Variants in PCDH15 observed in about 807,000 individuals in gnomAD.
PCDH15 encodes protocadherin related 15, also known as protocadherin-15.
A neutral mutation model predicts 178.5 loss-of-function variants in PCDH15; 129 were observed. The observed-to-expected ratio is 0.72, with a 90% CI of 0.63 to 0.84. PCDH15 has a LOEUF of 0.84. PCDH15 is among the 40% of genes least tolerant of loss of function. The pLI is 0.00. For synonymous variants in PCDH15, 800 were observed against 732.0 expected, an observed-to-expected ratio of 1.09 and a Z score of -1.50; for missense variants, 2,230 against 2,099.9, an observed-to-expected ratio of 1.06 and a Z score of -1.21.
intron 1 of PCDH15, among the ~76,000 whole-genome samples, chr10:55,252,959 A>T (rs1301116879): frequency 6.6e-6 from 1 of 152,176 alleles, no homozygotes; most frequent in African/African-American, 2.4e-5. Context: ...TTTCTAAAAC[A>T]AAATAAATTT....
intron 18 of PCDH15, among the ~76,000 whole-genome samples, chr10:54,053,308 C>A (rs940230914): frequency 7.9e-5 from 12 of 152,150 alleles, no homozygotes; most frequent in Non-Finnish European, 1.6e-4. Context: ...CATTACAAAA[C>A]TTTACTTTTA....
intron 2 of PCDH15, among the ~76,000 whole-genome samples, chr10:55,483,281 C>CAA (rs35371247): frequency 6.7e-6 from 1 of 150,328 alleles, no homozygotes; most frequent in Non-Finnish European, 1.5e-5. Context: ...TAAATTTTTA[C>CAA]AAAAAAAAAT....
At chr10:54,913,898 T>C (rs1379337309) in intron 2 of PCDH15, among the ~76,000 whole-genome samples, 1 of 152,198 alleles carries the variant, frequency 6.6e-6, no homozygotes, top group East Asian at 1.9e-4. Flanking sequence ...ACTTTTGAAA[T>C]GGGAACATTT....
At chr10:54,303,281 TATACA>T (rs1261653537) in intron 8 of PCDH15, among the ~76,000 whole-genome samples, 27 of 152,090 alleles carry the variant, frequency 1.8e-4, no homozygotes, top group Non-Finnish European at 3.1e-4. Context: ...GAAAACTGCA[TATACA>T]ATTCTACAGA....
intron 1 of PCDH15, among the ~76,000 whole-genome samples, chr10:54,737,160 T>A (rs56285324): frequency 0.13 from 19,025 of 151,996 alleles, 1,349 homozygotes; most frequent in African/African-American, 0.18. Context: ...CGGGTGCTTC[T>A]TATGCGAAAC....
chr10:55,506,521 A>G (rs1481090406), intron 2 of PCDH15, among the ~76,000 whole-genome samples: 1 of 151,538 alleles, frequency 6.6e-6, no homozygotes, highest in Non-Finnish European at 1.5e-5. Flanking sequence ...TGATTGGAAT[A>G]CCAAAGGGTT....
chr10:54,119,021 C>G (rs2095168119), intron 15 of PCDH15, among the ~76,000 whole-genome samples: 1 of 152,020 alleles, frequency 6.6e-6, no homozygotes, highest in African/African-American at 2.4e-5. Flanking sequence ...GAAAAAGTTA[C>G]AGAAATTAAA....
At chr10:55,299,232 G>A (rs1016534319) in intron 1 of PCDH15, among the ~76,000 whole-genome samples, 13 of 152,024 alleles carry the variant, frequency 8.6e-5, no homozygotes, top group African/African-American at 2.4e-4. Flanking sequence ...TCAACTCTTG[G>A]ACAGATAGAA....
At chr10:55,536,041 C>T (rs1841571705) in intron 2 of PCDH15, among the ~76,000 whole-genome samples, 1 of 151,972 alleles carries the variant, frequency 6.6e-6, no homozygotes. Flanking sequence ...ACTATGAGTT[C>T]ATCAACATGG....
chr10:53,921,390 C>CTT (rs11454362), intron 25 of PCDH15, among the ~76,000 whole-genome samples: 27 of 150,848 alleles, frequency 1.8e-4, no homozygotes, highest in Non-Finnish European at 2.2e-4. Context: ...CCTAATATGA[C>CTT]TTTTTTTTTA....
intron 1 of PCDH15, among the ~76,000 whole-genome samples, chr10:55,270,400 T>A: frequency 6.6e-6 from 1 of 151,460 alleles, no homozygotes; most frequent in African/African-American, 2.4e-5. Context: ...GGCAACGGTC[T>A]AATATCCAGA....
chr10:55,093,072 A>G (rs1270263433), intron 2 of PCDH15, among the ~76,000 whole-genome samples: 3 of 152,108 alleles, frequency 2.0e-5, no homozygotes, highest in Admixed American at 1.3e-4. Flanking sequence ...CCACTGAATC[A>G]AAATTTATTT....
intron 2 of PCDH15, among the ~76,000 whole-genome samples, chr10:55,361,261 T>C (rs537890786): frequency 6.6e-6 from 1 of 152,206 alleles, no homozygotes. Context: ...TTTCTTTATG[T>C]GGTGCTATTT....
Position 54,071,421 on chromosome 10 carries a change from C to G in PCDH15, c.2092-4536G>C, listed in dbSNP as rs78652526. Among the ~76,000 whole-genome samples, 1,493 of 152,090 alleles carry G rather than the reference C, an allele frequency of 9.8e-3. 29 individuals are homozygous for G. The highest frequency in any genetic ancestry group is 0.033 in the African/African-American group (1,383 of 41,520). ...TTTAATAAGCAATTTTGGCTTTAAT[C>G]CTAGAGAGGATAAGAGAAGGGATGT... On this transcript the variant is annotated intron_variant, in intron 17 of 37. Coordinates refer to ENST00000644397, the MANE Select transcript of PCDH15 (RefSeq NM_001384140.1).
rs897931969 is a variant in PCDH15 at position 54,469,959 on chromosome 10, C to G, written c.157+57853G>C. On this transcript the variant is annotated intron_variant, in intron 3 of 37. Transcript: ENST00000644397. ...TTTTCAAGCCCCTGGAAATAGTGCT[C>G]AGCTGCTAATAGTGTAGGTGGGGCA... 3.9e-5 allele frequency among the ~76,000 whole-genome samples: 6 copies of G among 152,098 alleles called. 1 individual carries two copies. Among genetic ancestry groups the G allele is most frequent in the Middle Eastern group, 3.2e-3 (1 of 316 alleles).
chr10:54,153,360 C>A, intron 13 of PCDH15, 67 bp from the exon 14 acceptor site: 1 of 1,549,294 alleles, frequency 6.5e-7, no homozygotes, highest in South Asian at 1.1e-5. Context: ...TCGTTTTTTC[C>A]CCCAACAAAA....
At chr10:55,100,921 A>G (rs1482560125) in intron 2 of PCDH15, among the ~76,000 whole-genome samples, 1 of 152,166 alleles carries the variant, frequency 6.6e-6, no homozygotes, top group African/African-American at 2.4e-5. Flanking sequence ...AGAGTAATTC[A>G]CTGCAATTCC....
In PCDH15 at chr10:54,844,945, C is replaced by G. The variant is rs576617368; in HGVS notation, c.-29+52505G>C. Among the ~76,000 whole-genome samples the G allele has an allele frequency of 6.6e-5, 10 of 151,928 alleles. No homozygotes were observed. In the South Asian group the frequency reaches 2.1e-3, roughly 32 times the overall value. On this transcript the variant is annotated intron_variant, in intron 3 of 5. Coordinates refer to the PCDH15 transcript ENST00000458638. ...TAGCCTCAAAAAGCAGAATTAAGAG[C>G]AGGCTTTTTAAAATTACCACTACTT...
chr10:55,565,824 T>C (rs1240362449), intron 2 of PCDH15, among the ~76,000 whole-genome samples: 2 of 151,630 alleles, frequency 1.3e-5, no homozygotes, highest in Non-Finnish European at 1.5e-5. Context: ...TGATACCTAC[T>C]AAGGAGACTG....
Sources: allele counts gnomAD v4.1 joint callset (sites outside exome capture counted in the v4.1 genomes callset), GRCh38; gene constraint gnomAD v4.1.1; transcripts MANE v1.5; gene names NCBI Gene and HGNC (gene_info 2026-07-23, HGNC 2026-07-21).